Variants in ZNF534 observed in about 807,000 individuals in gnomAD.
The protein encoded by ZNF534 is KRAB domain only 3.
Under a neutral mutation model 13.6 loss-of-function variants are expected in ZNF534, and 19 were observed. That is an observed-to-expected ratio of 1.40 (90% CI 0.97 to 2.05). ZNF534 has a LOEUF of 2.05. ZNF534 is among the 30% of genes most tolerant of loss of function. The probability of loss-of-function intolerance (pLI) is 0.00; values close to 1 mark genes in which losing one functional copy is unlikely to be tolerated. For synonymous variants in ZNF534, 244 were observed against 273.8 expected, an observed-to-expected ratio of 0.89 and a Z score of 1.07; for missense variants, 782 against 796.3, an observed-to-expected ratio of 0.98 and a Z score of 0.22.
exon 5 of ZNF534, chr19:52,451,200 G>T (rs2059213307): frequency 1.4e-6 from 1 of 700,362 alleles, no homozygotes; most frequent in East Asian, 2.7e-5. Flanking sequence ...TTTCACTTCT[G>T]GCCTGGGACG....
intron 2 of ZNF534, among the ~76,000 whole-genome samples, chr19:52,432,286 T>A (rs1234552568): frequency 6.6e-6 from 1 of 152,130 alleles, no homozygotes; most frequent in Non-Finnish European, 1.5e-5. Flanking sequence ...TCCTTGAAGT[T>A]GTTTTAAATT....
In ZNF534 at chr19:52,440,509, G is replaced by A. The variant is rs1455891761; in HGVS notation, c.*1063G>A. 5.3e-5 allele frequency among the ~76,000 whole-genome samples: 8 copies of A among 152,236 alleles called. No individual in the cohort carries two copies. Among genetic ancestry groups the A allele is most frequent in the South Asian group, 2.1e-4 (1 of 4,822 alleles). ...ATAATTCATACTGGAGGCTGGGTGC[G>A]GTGGCTCACGCCTGTAATCCCAGCA... On this transcript the variant is annotated 3_prime_UTR_variant, in exon 5 of 5. Coordinates refer to ENST00000433050, the MANE Select transcript of ZNF534 (RefSeq NM_001143938.3).
Position 52,438,810 on chromosome 19 carries a change from G to A in ZNF534, c.1350G>A (p.Lys450=). The A allele has an allele frequency of 1.9e-6, 3 of 1,610,360 alleles. No homozygotes were observed. The highest frequency in any genetic ancestry group is 2.5e-6 in the Non-Finnish European group (3 of 1,178,280). ...CIDCGKVFRH[K]SSLTYHCRIH... The stretch of plus-strand genomic sequence containing the variant: ...ACTGTGGCAAGGTCTTCAGGCACAA[G>A]TCTTCCCTAACCTATCACTGTAGAA... Residue 450 remains lysine, a synonymous_variant, in exon 5 of 5, where the codon AAG becomes AAA. Transcript: ENST00000433050.
At chr19:52,433,908 A>G in intron 2 of ZNF534, 47 bp from the exon 3 acceptor site, 1 of 1,609,652 alleles carries the variant, frequency 6.2e-7, no homozygotes, top group African/African-American at 1.3e-5. Context: ...GTTTGAAGAT[A>G]AGTACTCTCT....
intron 2 of ZNF534, among the ~76,000 whole-genome samples, chr19:52,433,424 T>C (rs369546852): frequency 1.3e-5 from 2 of 151,812 alleles, no homozygotes; most frequent in South Asian, 2.1e-4. Flanking sequence ...TGGAGTGCAG[T>C]GGCGCAATCT....
chr19:52,431,308 C>T, intron 1 of ZNF534, 100 bp from the exon 2 acceptor site: 1 of 866,368 alleles, frequency 1.2e-6, no homozygotes, highest in Non-Finnish European at 1.8e-6. Context: ...AGCAGAGGAC[C>T]ATCCTTCCAG....
rs141385542 is a variant in ZNF534 at position 52,433,583 on chromosome 19, G to T, written c.16-372G>T. Among the ~76,000 whole-genome samples the T allele has an allele frequency of 9.6e-3, 1,460 of 152,288 alleles. 20 individuals are homozygous for T. Among genetic ancestry groups the T allele is most frequent in the Middle Eastern group, 0.034 (10 of 292 alleles). The stretch of plus-strand genomic sequence containing the variant: ...GGGTTTCACCGTGTTGGCCAAGATG[G>T]TCTTGATCTCCTGACCTCGTGATCC... On this transcript the variant is annotated intron_variant, in intron 2 of 4. Coordinates refer to ENST00000433050, the MANE Select transcript of ZNF534 (RefSeq NM_001143938.3).
At chr19:52,437,674 TCAGA>T in intron 4 of ZNF534, 54 bp from the exon 5 acceptor site, 1 of 1,447,354 alleles carries the variant, frequency 6.9e-7, no homozygotes, top group Non-Finnish European at 9.2e-7. Flanking sequence ...TTGTTTTCTG[TCAGA>T]CTTTAAACAT....
chr19:52,441,981 A>T lies in ZNF534; in HGVS notation c.*2535A>T, dbSNP rs1337411686. ...GAACATCAGAGGTTCCATACTAAGG[A>T]GAAATCATATAAATGTAATGTATGT... On this transcript the variant is annotated 3_prime_UTR_variant, in exon 5 of 5. Coordinates refer to ENST00000433050, the MANE Select transcript of ZNF534 (RefSeq NM_001143938.3). Among the ~76,000 whole-genome samples the T allele has an allele frequency of 6.6e-6, 1 of 152,218 alleles. No individual in the cohort carries two copies. Among genetic ancestry groups the T allele is most frequent in the Non-Finnish European group, 1.5e-5 (1 of 68,044 alleles).
At chr19:52,446,522 C>T (rs975197633), downstream of ZNF534, among the ~76,000 whole-genome samples, 6 of 149,548 alleles carry the variant, frequency 4.0e-5, no homozygotes, top group African/African-American at 1.5e-4. Context: ...TTCCCTATTG[C>T]TGCTATAACA....
chr19:52,435,867 A>AGTT (rs2059125110), intron 4 of ZNF534, among the ~76,000 whole-genome samples: 3 of 151,098 alleles, frequency 2.0e-5, no homozygotes, highest in African/African-American at 7.3e-5. Flanking sequence ...GGAAAGCCTG[A>AGTT]ATTATTTTTG....
intron 2 of ZNF534, among the ~76,000 whole-genome samples, chr19:52,432,881 C>T (rs1446817270): frequency 5.9e-5 from 9 of 151,998 alleles, no homozygotes; most frequent in African/African-American, 1.5e-4. Flanking sequence ...CCACCTGCCT[C>T]GGCCTCCCAA....
downstream of ZNF534, among the ~76,000 whole-genome samples, chr19:52,447,007 A>G (rs2059196794): frequency 6.6e-6 from 1 of 152,180 alleles, no homozygotes; most frequent in Non-Finnish European, 1.5e-5. Context: ...TCCTTGCCAC[A>G]TGGTCCACTT....
At chr19:52,437,474 C>T (rs935035222) in intron 4 of ZNF534, among the ~76,000 whole-genome samples, 38 of 152,222 alleles carry the variant, frequency 2.5e-4, no homozygotes, top group African/African-American at 8.9e-4. Flanking sequence ...AAAAGTTAGC[C>T]AGGCATGGTG....
Position 52,438,971 on chromosome 19 carries a change from G to C in ZNF534, c.1511G>C (p.Arg504Pro). The change falls in exon 5 of 5, where the codon CGT (arginine) becomes CCT (proline). Residue 504 changes from arginine (R) to proline (P), a missense_variant. Physicochemically the swap from Arg to Pro is moderately radical, Grantham distance 103. Transcript: ENST00000433050. ...YKCNECGKVFRQNSHLAQHRD... is the reference protein window; with the variant it reads ...YKCNECGKVFPQNSHLAQHRD... ...TGTAATGAATGTGGCAAGGTCTTCC[G>C]TCAGAATTCACACCTTGCACAACAT... is the stretch of plus-strand genomic sequence containing the variant. 1 of 1,604,408 alleles carries C rather than the reference G, an allele frequency of 6.2e-7. No individual in the cohort carries two copies. Among genetic ancestry groups the C allele is most frequent in the South Asian group, 1.1e-5 (1 of 90,144 alleles).
chr19:52,439,555 AAC>A lies in ZNF534; in HGVS notation c.*112_*113del. The A allele has an allele frequency of 1.0e-6, 1 of 978,548 alleles. No homozygotes were observed. The highest frequency in any genetic ancestry group is 2.7e-5 in the East Asian group (1 of 36,974). 60.6% of individuals were successfully genotyped at this position (978,548 alleles called of 1,614,324 possible). A position where few individuals can be genotyped will look rare whatever the true frequency, so the allele number is the denominator to read the frequency against. On this transcript the variant is annotated 3_prime_UTR_variant, in exon 5 of 5. Coordinates refer to ENST00000433050, the MANE Select transcript of ZNF534 (RefSeq NM_001143938.3). ...TCAGGAGATTGAGACCATCCTGGCT[AAC>A]ACGGTGAAACCCCATCTCTACTAAA...
chr19:52,430,802 T>C (rs1297591490), intron 1 of ZNF534, among the ~76,000 whole-genome samples: 1 of 151,808 alleles, frequency 6.6e-6, no homozygotes, highest in Non-Finnish European at 1.5e-5. Flanking sequence ...TGCCTTGGCC[T>C]CTCAAAGTGC....
At chr19:52,435,659 A>C (rs2059124063) in intron 4 of ZNF534, among the ~76,000 whole-genome samples, 1 of 151,908 alleles carries the variant, frequency 6.6e-6, no homozygotes, top group African/African-American at 2.4e-5. Flanking sequence ...GTACACCACC[A>C]TGCCTATCTA....
At chr19:52,437,389 C>A (rs2059135131) in intron 4 of ZNF534, among the ~76,000 whole-genome samples, 1 of 152,096 alleles carries the variant, frequency 6.6e-6, no homozygotes, top group Non-Finnish European at 1.5e-5. Flanking sequence ...GCGGCTGAGG[C>A]AGGTGGATCA....
Sources: gnomAD v4.1 joint callset for allele counts (sites outside exome capture counted in the v4.1 genomes callset) on GRCh38, gnomAD v4.1.1 for gene constraint, MANE v1.5 for transcripts, NCBI Gene and HGNC (gene_info 2026-07-23, HGNC 2026-07-21) for gene names.